Variants in ROBO2 observed in about 807,000 individuals in gnomAD.
ROBO2 encodes roundabout guidance receptor 2, also known as roundabout homolog 2.
In ROBO2, 53 loss-of-function variants were observed where a neutral mutation model predicts 160.8. The observed-to-expected ratio is 0.33, with a 90% CI of 0.26 to 0.41. ROBO2 has a LOEUF of 0.41. Ranked by LOEUF, ROBO2 falls within the 10% of genes least tolerant of loss-of-function variation. The pLI is 1.00. For missense variants in ROBO2, 1,577 were observed against 1,722.4 expected (o/e 0.92, Z 1.49); for synonymous variants, 664 against 611.7 (o/e 1.09, Z -1.26).
intron 2 of ROBO2, among the ~76,000 whole-genome samples, chr3:76,072,827 C>A (rs2068507034): frequency 6.6e-6 from 1 of 152,116 alleles, no homozygotes; most frequent in African/African-American, 2.4e-5. Context: ...TGTAGGCAGG[C>A]CTCAGAGGCA....
At chr3:76,093,495 T>TGTAAA (rs1428317692) in intron 2 of ROBO2, among the ~76,000 whole-genome samples, 1 of 1,650 alleles carries the variant, frequency 6.1e-4, no homozygotes, top group Non-Finnish European at 8.8e-4. Flanking sequence ...GATATTATAA[T>TGTAAA]ATAAAATATT....
chr3:77,620,236 T>A (rs1255338807), intron 22 of ROBO2, among the ~76,000 whole-genome samples: 2 of 152,122 alleles, frequency 1.3e-5, no homozygotes, highest in Non-Finnish European at 2.9e-5. Context: ...CACATCAACA[T>A]CATAGGACTG....
intron 2 of ROBO2, among the ~76,000 whole-genome samples, chr3:76,536,796 A>G (rs1452831140): frequency 6.6e-6 from 1 of 152,106 alleles, no homozygotes; most frequent in Admixed American, 6.5e-5. Context: ...ACTGAGTCAA[A>G]CATTGGAATT....
At position 76,415,627 on chromosome 3, in the gene ROBO2, G is replaced by A. The variant is rs191686500; in HGVS notation, c.109+478025G>A. Among the ~76,000 whole-genome samples, 5 of 152,278 alleles carry A rather than the reference G, an allele frequency of 3.3e-5. No homozygotes were observed. In the East Asian group the frequency reaches 7.7e-4, roughly 24 times the overall value. On this transcript the variant is annotated intron_variant, in intron 2 of 26. Transcript: ENST00000487694. ...TACTGTGGTGTATGAGTGTGCATCAGTGTAAACTTTGAAAATGGCAGGACA... is the reference window on the plus strand; with the variant it reads ...TACTGTGGTGTATGAGTGTGCATCAATGTAAACTTTGAAAATGGCAGGACA...
chr3:77,547,739 G>A (rs1375816242), intron 7 of ROBO2, among the ~76,000 whole-genome samples: 1 of 152,044 alleles, frequency 6.6e-6, no homozygotes, highest in East Asian at 1.9e-4. Context: ...TAAACGTAGT[G>A]ACGGGAATGT....
intron 2 of ROBO2, among the ~76,000 whole-genome samples, chr3:77,285,954 G>T (rs1349833786): frequency 6.6e-6 from 1 of 151,956 alleles, no homozygotes; most frequent in African/African-American, 2.4e-5. Context: ...AAACCAAAAA[G>T]TATAAAAGCT....
intron 2 of ROBO2, among the ~76,000 whole-genome samples, chr3:76,456,823 G>GA (rs1215932217): frequency 2.0e-5 from 3 of 152,098 alleles, no homozygotes; most frequent in Non-Finnish European, 4.4e-5. Flanking sequence ...GGTGGGAGGC[G>GA]AAAAGCACTT....
chr3:77,379,043 G>A (rs1320227553), intron 2 of ROBO2, among the ~76,000 whole-genome samples: 1 of 151,892 alleles, frequency 6.6e-6, no homozygotes, highest in Non-Finnish European at 1.5e-5. Flanking sequence ...TGCCTCCCAG[G>A]TTCAAGCGAT....
intron 2 of ROBO2, among the ~76,000 whole-genome samples, chr3:76,870,211 A>G (rs944625550): frequency 3.3e-5 from 5 of 152,212 alleles, no homozygotes; most frequent in Non-Finnish European, 5.9e-5. Flanking sequence ...ACAAACCGCT[A>G]TGTGGCCTTG....
At chr3:77,575,143 CT>C (rs1202564422) in intron 14 of ROBO2, among the ~76,000 whole-genome samples, 1 of 152,098 alleles carries the variant, frequency 6.6e-6, no homozygotes, top group African/African-American at 2.4e-5. Flanking sequence ...CCTATGGGCA[CT>C]GCCAGTCAAA....
intron 2 of ROBO2, among the ~76,000 whole-genome samples, chr3:76,602,436 T>C (rs901824083): frequency 5.9e-5 from 9 of 152,182 alleles, no homozygotes; most frequent in Non-Finnish European, 1.3e-4. Context: ...GACCTGGTAA[T>C]TTACAAAAGA....
chr3:76,631,356 G>A (rs183289151), intron 2 of ROBO2, among the ~76,000 whole-genome samples: 4 of 152,144 alleles, frequency 2.6e-5, no homozygotes, highest in Admixed American at 2.0e-4. Context: ...TAAAATGCGG[G>A]AGCCTCTGGT....
intron 2 of ROBO2, among the ~76,000 whole-genome samples, chr3:76,943,702 C>T (rs940913638): frequency 3.3e-5 from 5 of 151,636 alleles, no homozygotes; most frequent in African/African-American, 1.2e-4. Context: ...TGTATCAGTA[C>T]TTTTTTTTTC....
intron 2 of ROBO2, among the ~76,000 whole-genome samples, chr3:76,918,915 T>A (rs1355720676): frequency 2.0e-5 from 3 of 152,208 alleles, no homozygotes; most frequent in Non-Finnish European, 4.4e-5. Context: ...TCTCTAATGA[T>A]CAGTGATGTT....
At chr3:76,615,653 C>T (rs1403127615) in intron 2 of ROBO2, among the ~76,000 whole-genome samples, 2 of 152,112 alleles carry the variant, frequency 1.3e-5, no homozygotes, top group African/African-American at 4.8e-5. Flanking sequence ...ATTCAGTCAG[C>T]CTTGCCAATA....
intron 2 of ROBO2, among the ~76,000 whole-genome samples, chr3:76,954,764 G>A (rs1311504267): frequency 2.6e-5 from 4 of 152,222 alleles, no homozygotes; most frequent in Middle Eastern, 3.4e-3. Context: ...ATCCAAGAAG[G>A]TAGTGTTATC....
intron 2 of ROBO2, among the ~76,000 whole-genome samples, chr3:77,193,588 A>T (rs944675350): frequency 4.6e-5 from 7 of 152,138 alleles, no homozygotes; most frequent in African/African-American, 7.2e-5. Context: ...TACATTAACC[A>T]AGTAATTTCA....
At chr3:76,099,960 A>G (rs2069613973) in intron 2 of ROBO2, among the ~76,000 whole-genome samples, 2 of 152,196 alleles carry the variant, frequency 1.3e-5, no homozygotes, top group South Asian at 4.1e-4. Flanking sequence ...AAGGGAGAGG[A>G]TCATAGATAA....
chr3:77,425,453 A>C (rs2078102715), intron 2 of ROBO2, among the ~76,000 whole-genome samples: 3 of 152,086 alleles, frequency 2.0e-5, no homozygotes, highest in African/African-American at 7.2e-5. Flanking sequence ...TGATACATAA[A>C]CTTAGAGCCA....
Sources: gnomAD v4.1 joint callset for allele counts (sites outside exome capture counted in the v4.1 genomes callset) on GRCh38, gnomAD v4.1.1 for gene constraint, MANE v1.5 for transcripts, NCBI Gene and HGNC (gene_info 2026-07-23, HGNC 2026-07-21) for gene names.